The following DENND4C variants were observed in gnomAD, a reference collection of about 807,000 sequenced individuals.
DENND4C encodes DENN domain-containing protein 4C.
DENND4C carries 108 observed loss-of-function variants against 203.0 expected under a neutral mutation model. The ratio of observed to expected loss-of-function variants is 0.53; its 90% CI spans 0.46 to 0.62. The LOEUF is 0.62. Ranked by LOEUF, DENND4C falls within the 20% of genes least tolerant of loss-of-function variation. The probability of loss-of-function intolerance (pLI) is 0.00; values close to 1 mark genes in which losing one functional copy is unlikely to be tolerated. For missense variants in DENND4C, 2,481 were observed against 2,301.2 expected (o/e 1.08, Z -1.60); for synonymous variants, 871 against 792.4 (o/e 1.10, Z -1.67).
chr9:19,275,064 GC>G (rs1436786558), intron 1 of DENND4C, among the ~76,000 whole-genome samples: 1 of 151,584 alleles, frequency 6.6e-6, no homozygotes, highest in African/African-American at 2.4e-5. Flanking sequence ...GCAAACCTCT[GC>G]CCCCCAGGTT....
At chr9:19,315,510 T>A (rs1023023837) in intron 10 of DENND4C, among the ~76,000 whole-genome samples, 1 of 151,012 alleles carries the variant, frequency 6.6e-6, no homozygotes, top group Non-Finnish European at 1.5e-5. Context: ...TATATACATG[T>A]ATGTATATAC....
At chr9:19,307,643 G>A (rs371381197) in intron 10 of DENND4C, among the ~76,000 whole-genome samples, 21 of 151,494 alleles carry the variant, frequency 1.4e-4, no homozygotes, top group Admixed American at 3.9e-4. Flanking sequence ...GGTGGTGGGC[G>A]CCTGTAATCC....
rs771317235 is a variant in DENND4C, at chr9:19,352,490, G to A, written c.4606G>A (p.Val1536Ile). 3 of 1,566,144 alleles carry A rather than the reference G, an allele frequency of 1.9e-6. No individual in the cohort carries two copies. The highest frequency in any genetic ancestry group is 1.2e-5 in the South Asian group (1 of 82,876). The change falls in exon 26 of 33, where the codon GTT becomes ATT. Residue 1536 changes from valine (V) to isoleucine (I), a missense_variant and splice_region_variant. Coordinates refer to ENST00000434457, the MANE Select transcript of DENND4C (RefSeq NM_001330640.2). ...AGTGTCTGCATTTTTCTGTTTTTAG[G>A]TTTTGATGTCCAGTTGTTCACAGTG... Reference protein sequence around the residue: ...SSIYQNCAMEVLMSSCSQCRA... With the variant: ...SSIYQNCAMEILMSSCSQCRA...
intron 2 of DENND4C, among the ~76,000 whole-genome samples, chr9:19,285,286 T>C (rs1191195370): frequency 6.6e-6 from 1 of 152,096 alleles, no homozygotes; most frequent in East Asian, 1.9e-4. Context: ...ATTAGTTGGG[T>C]TTTAACAGCT....
At chr9:19,241,298 A>G (rs1354310227) in intron 1 of DENND4C, among the ~76,000 whole-genome samples, 1 of 152,212 alleles carries the variant, frequency 6.6e-6, no homozygotes, top group Admixed American at 6.5e-5. Context: ...TCGTAACAAC[A>G]CTTAAATACA....
At position 19,299,195 on chromosome 9, in the gene DENND4C, T is replaced by A. The variant is rs191527954; in HGVS notation, c.1108-34T>A. On this transcript the variant is annotated intron_variant, in intron 7 of 32. Coordinates refer to ENST00000434457, the MANE Select transcript of DENND4C (RefSeq NM_001330640.2). ...CTTATCTCTTGGTTTGGTTAATTTA[T>A]CTTTGGTTAATTTATCTTTTTTTTT... is the stretch of plus-strand genomic sequence containing the variant. 8.2e-4 allele frequency: 1,226 copies of A among 1,495,924 alleles called. 1 individual carries two copies. Among genetic ancestry groups the A allele is most frequent in the Non-Finnish European group, 1.0e-3 (1,138 of 1,109,888 alleles). The allele number at this position is 1,495,924 out of a possible 1,614,324, so 92.7% of individuals were successfully genotyped here. A position where few individuals can be genotyped will look rare whatever the true frequency, so the allele number is the denominator to read the frequency against.
intron 1 of DENND4C, among the ~76,000 whole-genome samples, chr9:19,249,275 G>A (rs1401780320): frequency 6.8e-6 from 1 of 146,476 alleles, no homozygotes; most frequent in Non-Finnish European, 1.5e-5. Flanking sequence ...TTTTTGAGAT[G>A]AAGTCTCGCT....
chr9:19,245,851 G>A (rs1189975338), intron 1 of DENND4C, among the ~76,000 whole-genome samples: 4 of 101,004 alleles, frequency 4.0e-5, no homozygotes, highest in Admixed American at 2.1e-4. Context: ...GCGAGACTCC[G>A]TCTCAAAAAA....
At chr9:19,326,316 T>C (rs1462651829) in intron 15 of DENND4C, 122 bp downstream of exon 15, 2 of 1,018,558 alleles carry the variant, frequency 2.0e-6, no homozygotes, top group African/African-American at 1.7e-5. Context: ...AGTGAACTAA[T>C]GTAGATAAAT....
intron 20 of DENND4C, 82 bp from the exon 21 acceptor site, chr9:19,340,910 A>ACG: frequency 9.4e-7 from 1 of 1,063,110 alleles, no homozygotes. Flanking sequence ...TGTGTAGATC[A>ACG]GTGGAATTTT....
At chr9:19,310,300 G>A (rs568630082) in intron 10 of DENND4C, among the ~76,000 whole-genome samples, 2 of 152,246 alleles carry the variant, frequency 1.3e-5, no homozygotes, top group Admixed American at 1.3e-4. Flanking sequence ...GTTATAGTTG[G>A]TATCTTGTCT....
At chr9:19,297,158 A>G (rs1045095029) in intron 6 of DENND4C, among the ~76,000 whole-genome samples, 4 of 152,238 alleles carry the variant, frequency 2.6e-5, no homozygotes, top group Admixed American at 2.6e-4. Context: ...GCTGTAATGT[A>G]TTAAAGTATG....
chr9:19,284,425 CTG>C (rs1483099968), intron 2 of DENND4C, among the ~76,000 whole-genome samples: 2 of 152,126 alleles, frequency 1.3e-5, no homozygotes, highest in Non-Finnish European at 2.9e-5. Flanking sequence ...TGATGAATAA[CTG>C]TGCATTTATT....
chr9:19,265,722 C>G (rs149522212), intron 1 of DENND4C, among the ~76,000 whole-genome samples: 2 of 152,190 alleles, frequency 1.3e-5, no homozygotes, highest in East Asian at 1.9e-4. Context: ...TCTGTCCTTG[C>G]GATAGTTTGT....
At chr9:19,324,530 G>C in intron 13 of DENND4C, 23 bp downstream of exon 13, 1 of 1,587,504 alleles carries the variant, frequency 6.3e-7, no homozygotes, top group Non-Finnish European at 8.5e-7. Context: ...ACTTATACTA[G>C]TGTTTAGAAA....
chr9:19,344,746 G>A (rs868509186), intron 22 of DENND4C, among the ~76,000 whole-genome samples: 5 of 152,194 alleles, frequency 3.3e-5, no homozygotes, highest in Middle Eastern at 3.4e-3. Flanking sequence ...CAGGTGATCC[G>A]CCTGCCTCAG....
intron 29 of DENND4C, among the ~76,000 whole-genome samples, chr9:19,360,804 T>C (rs1317910651): frequency 6.6e-6 from 1 of 152,202 alleles, no homozygotes; most frequent in Non-Finnish European, 1.5e-5. Context: ...TATGTCTTTT[T>C]TCTTAAGGGA....
At chr9:19,320,919 C>G (rs1431677284) in intron 12 of DENND4C, among the ~76,000 whole-genome samples, 1 of 152,198 alleles carries the variant, frequency 6.6e-6, no homozygotes, top group Admixed American at 6.5e-5. Context: ...TTAAGCTTTT[C>G]TCTACTAATT....
chr9:19,332,109 T>G lies in DENND4C; in HGVS notation c.2385T>G (p.Pro795=), dbSNP rs1487681884. The part of the protein sequence containing the change: ...CLPAYVRVSH[P]KVRALQQAYD... ...CGGCCTATGTTAGAGTTTCTCATCC[T>G]AAAGTCAGAGCACTTCAGCAGGCAT... is the stretch of plus-strand genomic sequence containing the variant. The change falls in exon 17 of 33, where the codon CCT becomes CCG. Residue 795 remains proline (P), a synonymous_variant. Transcript: ENST00000434457. 6.2e-7 allele frequency: 1 copy of G among 1,614,112 alleles called. No homozygotes were observed. Among genetic ancestry groups the G allele is most frequent in the Admixed American group, 1.7e-5 (1 of 60,032 alleles).
Sources: allele counts gnomAD v4.1 joint callset (sites outside exome capture counted in the v4.1 genomes callset), GRCh38; gene constraint gnomAD v4.1.1; transcripts MANE v1.5; gene names NCBI Gene and HGNC (gene_info 2026-07-23, HGNC 2026-07-21).